The following MGAT5 variants were observed in gnomAD, a reference collection of about 807,000 sequenced individuals.
The protein encoded by MGAT5 is alpha-1,6-mannosylglycoprotein 6-beta-N-acetylglucosaminyltransferase.
In MGAT5, 30 loss-of-function variants were observed where a neutral mutation model predicts 94.3. The observed-to-expected ratio is 0.32, with a 90% CI of 0.24 to 0.43. The LOEUF (loss-of-function observed/expected upper bound fraction) is 0.43. MGAT5 is among the 20% of genes least tolerant of loss of function. MGAT5 has a pLI of 1.00. For missense variants in MGAT5, 691 were observed against 905.5 expected (o/e 0.76, Z 3.04); for synonymous variants, 310 against 322.9 (o/e 0.96, Z 0.43).
rs760229128 is a variant in MGAT5, at chr2:134,441,748, G to A, written c.1870-10G>A. ...TGGACCTGTGGCTGATGGCTTCATTGTCGTTCTAGGACTTCTGCCATGGGC... is the reference window on the plus strand; with the variant it reads ...TGGACCTGTGGCTGATGGCTTCATTATCGTTCTAGGACTTCTGCCATGGGC... On this transcript the variant is annotated splice_polypyrimidine_tract_variant and intron_variant, in intron 14 of 15. Transcript: ENST00000281923. 6.2e-7 allele frequency: 1 copy of A among 1,603,940 alleles called. No homozygotes were observed. Among genetic ancestry groups the A allele is most frequent in the South Asian group, 1.1e-5 (1 of 90,592 alleles).
In MGAT5 at chr2:134,134,233, C is replaced by T. The variant is rs150150955; in HGVS notation, c.-143+13942C>T. On this transcript the variant is annotated intron_variant, in intron 1 of 16. Transcript: ENST00000409645. The stretch of plus-strand genomic sequence containing the variant: ...TTGATGTTAGCTGCTGCCCTTTGTT[C>T]AGATGGATGGCTGTCCTTCTAGGTG... 2.4e-3 allele frequency among the ~76,000 whole-genome samples: 369 copies of T among 152,206 alleles called. 2 individuals are homozygous for T. The highest frequency in any genetic ancestry group is 8.0e-3 in the African/African-American group (333 of 41,538).
rs1023554602 is a variant in MGAT5, at chr2:134,254,314, C to G, written c.-90C>G. On this transcript the variant is annotated 5_prime_UTR_variant, in exon 1 of 16. Transcript: ENST00000281923. ...GCTGACACAGGAGCCAGAGTGAGAC[C>G]AGCAGACTCTCACACTCAACCTACA... 4 of 1,488,032 alleles carry G rather than the reference C, an allele frequency of 2.7e-6. No homozygotes were observed. Among genetic ancestry groups the G allele is most frequent in the Non-Finnish European group, 3.7e-6 (4 of 1,095,108 alleles). 92.2% of individuals were successfully genotyped at this position (1,488,032 alleles called of 1,614,324 possible). A position where few individuals can be genotyped will look rare whatever the true frequency, so the allele number is the denominator to read the frequency against.
intron 1 of MGAT5, among the ~76,000 whole-genome samples, chr2:134,177,365 G>T (rs1056186156): frequency 6.6e-6 from 1 of 152,128 alleles, no homozygotes; most frequent in Non-Finnish European, 1.5e-5. Context: ...CCACAGGCCT[G>T]GGGGGATCTG....
chr2:134,319,463 GA>G (rs915989208), intron 4 of MGAT5, among the ~76,000 whole-genome samples: 55 of 150,354 alleles, frequency 3.7e-4, no homozygotes, highest in African/African-American at 1.2e-3. Context: ...AGAATCTTGA[GA>G]AAAAAAAATG....
intron 10 of MGAT5, among the ~76,000 whole-genome samples, chr2:134,372,634 A>G (rs1680882920): frequency 1.3e-5 from 2 of 152,132 alleles, no homozygotes; most frequent in African/African-American, 4.8e-5. Flanking sequence ...CACTCATGGT[A>G]CAAATGTTTG....
Position 134,268,744 on chromosome 2 carries a change from C to T in MGAT5, c.242-1642C>T, listed in dbSNP as rs961167999. 1.3e-5 allele frequency among the ~76,000 whole-genome samples: 2 copies of T among 152,326 alleles called. No individual in the cohort carries two copies. Among genetic ancestry groups the T allele is most frequent in the African/African-American group, 4.8e-5 (2 of 41,566 alleles). On this transcript the variant is annotated intron_variant, in intron 1 of 15. Coordinates refer to ENST00000281923, the MANE Select transcript of MGAT5 (RefSeq NM_002410.5). This position sits in a 1 kb window ranked among gnomAD's most constrained non-coding sequence, Gnocchi z 4.1. ...ATTCAAAACACCTTATAAATATTAACTCTTTAACTCCTCTTGACAACCTCA... is the reference window on the plus strand; with the variant it reads ...ATTCAAAACACCTTATAAATATTAATTCTTTAACTCCTCTTGACAACCTCA...
intron 10 of MGAT5, among the ~76,000 whole-genome samples, chr2:134,364,170 A>G (rs1680270691): frequency 6.6e-6 from 1 of 152,202 alleles, no homozygotes; most frequent in African/African-American, 2.4e-5. Context: ...TAGATAAATT[A>G]ATATTGCCAC....
intron 1 of MGAT5, among the ~76,000 whole-genome samples, chr2:134,123,265 G>A (rs1252633277): frequency 6.6e-6 from 1 of 152,190 alleles, no homozygotes; most frequent in African/African-American, 2.4e-5. Context: ...AACCATTCTA[G>A]TTGTCACTCT....
chr2:134,364,579 T>A (rs1470200874), intron 10 of MGAT5, among the ~76,000 whole-genome samples: 1 of 152,212 alleles, frequency 6.6e-6, no homozygotes, highest in East Asian at 1.9e-4. Flanking sequence ...CTTCCAGATT[T>A]TGAGGTGTGA....
chr2:134,430,970 G>A (rs1328417945), intron 14 of MGAT5, among the ~76,000 whole-genome samples: 3 of 152,210 alleles, frequency 2.0e-5, no homozygotes, highest in South Asian at 2.1e-4. Context: ...CCAGCCCGCC[G>A]AGGGAGGACG....
At chr2:134,334,023 TG>T (rs140672344) in intron 4 of MGAT5, among the ~76,000 whole-genome samples, 21,131 of 152,156 alleles carry the variant, frequency 0.14, 1,784 homozygotes, top group Middle Eastern at 0.36. Flanking sequence ...TGTGCTAAGA[TG>T]TTCATAATTG....
Position 134,222,786 on chromosome 2 carries a change from C to T in MGAT5, c.-142-31476C>T, listed in dbSNP as rs906761995. Among the ~76,000 whole-genome samples, 20 of 152,370 alleles carry T rather than the reference C, an allele frequency of 1.3e-4. 1 individual carries two copies. The highest frequency in any genetic ancestry group is 4.8e-4 in the African/African-American group (20 of 41,588). ...TTAGAGCCAATTAATTGTTCTAGGC[C>T]ATATAGGAATGGATGTGGACAGGCA... On this transcript the variant is annotated intron_variant, in intron 1 of 16. Transcript: ENST00000409645.
chr2:134,377,382 C>A (rs901451295), intron 10 of MGAT5, among the ~76,000 whole-genome samples: 27 of 152,208 alleles, frequency 1.8e-4, no homozygotes, highest in African/African-American at 6.0e-4. Context: ...ATAGAAGCTT[C>A]TCCTAAAGCT....
chr2:134,261,237 A>G (rs1053331106), intron 1 of MGAT5, among the ~76,000 whole-genome samples: 16 of 152,174 alleles, frequency 1.1e-4, no homozygotes, highest in South Asian at 2.1e-4. Context: ...TGTGATTGTC[A>G]TTGCCATGTT....
intron 1 of MGAT5, among the ~76,000 whole-genome samples, chr2:134,185,940 C>T (rs1434917748): frequency 6.6e-6 from 1 of 152,182 alleles, no homozygotes; most frequent in Non-Finnish European, 1.5e-5. Context: ...GCAGGATCGC[C>T]TGGTGTTCTG....
intron 11 of MGAT5, among the ~76,000 whole-genome samples, chr2:134,408,582 T>A (rs1388770288): frequency 2.0e-5 from 3 of 152,202 alleles, no homozygotes; most frequent in Non-Finnish European, 4.4e-5. Context: ...TTTCTTGGCC[T>A]CCGTGGACCT....
intron 2 of MGAT5, among the ~76,000 whole-genome samples, chr2:134,273,916 A>G (rs567459962): frequency 3.4e-4 from 52 of 152,320 alleles, no homozygotes; most frequent in African/African-American, 1.2e-3. Context: ...ATCACACAGT[A>G]AATTAATTTC....
At chr2:134,132,831 G>A (rs188163855) in intron 1 of MGAT5, among the ~76,000 whole-genome samples, 2 of 152,338 alleles carry the variant, frequency 1.3e-5, no homozygotes, top group Admixed American at 6.5e-5. Flanking sequence ...TGGCAGATGT[G>A]AAAACTCACC....
chr2:134,286,085 A>C (rs1354353084), intron 2 of MGAT5, among the ~76,000 whole-genome samples: 1 of 151,990 alleles, frequency 6.6e-6, no homozygotes, highest in Non-Finnish European at 1.5e-5. Context: ...GCCAAGCCAC[A>C]CATCAGTGAA....
Sources: allele counts gnomAD v4.1 joint callset (sites outside exome capture counted in the v4.1 genomes callset), GRCh38; gene constraint gnomAD v4.1.1; non-coding constraint Gnocchi (gnomAD v3.1); transcripts MANE v1.5; gene names NCBI Gene and HGNC (gene_info 2026-07-23, HGNC 2026-07-21).